The following PDS5B variants were observed in gnomAD, a reference collection of about 807,000 sequenced individuals.
PDS5B encodes sister chromatid cohesion protein PDS5 homolog B.
PDS5B carries 51 observed loss-of-function variants against 184.1 expected under a neutral mutation model. That is an observed-to-expected ratio of 0.28 (90% CI 0.22 to 0.35). PDS5B has a LOEUF of 0.35. Ranked by LOEUF, PDS5B falls within the 10% of genes least tolerant of loss-of-function variation. The probability of loss-of-function intolerance (pLI) is 1.00; values close to 1 mark genes in which losing one functional copy is unlikely to be tolerated. For missense variants in PDS5B, 1,180 were observed against 1,723.3 expected (o/e 0.68, Z 5.58); for synonymous variants, 566 against 569.2 (o/e 0.99, Z 0.08).
chr13:32,750,548 C>T (rs569221771), intron 24 of PDS5B, among the ~76,000 whole-genome samples: 1 of 151,874 alleles, frequency 6.6e-6, no homozygotes, highest in Non-Finnish European at 1.5e-5. Flanking sequence ...CTAATTCCCC[C>T]CTCCTCCCCC....
chr13:32,718,470 A>G (rs1049643758), intron 19 of PDS5B, among the ~76,000 whole-genome samples: 22 of 152,148 alleles, frequency 1.4e-4, no homozygotes, highest in African/African-American at 5.1e-4. Context: ...GTCTGTTTCT[A>G]ATTAAATCTA....
At chr13:32,652,181 T>G in intron 3 of PDS5B, 174 bp downstream of exon 3, 1 of 560,008 alleles carries the variant, frequency 1.8e-6, no homozygotes, top group East Asian at 2.9e-5. Context: ...TTTGAAAAAC[T>G]TTCTGGTCTT....
At chr13:32,683,797 T>G in intron 10 of PDS5B, 81 bp from the exon 11 acceptor site, 1 of 902,116 alleles carries the variant, frequency 1.1e-6, no homozygotes, top group South Asian at 1.6e-5. Context: ...TTGCTAGGGC[T>G]TATTTTCAAG....
chr13:32,611,969 A>G (rs1287319441), intron 1 of PDS5B, among the ~76,000 whole-genome samples: 1 of 151,962 alleles, frequency 6.6e-6, no homozygotes, highest in African/African-American at 2.4e-5. Flanking sequence ...GAAACTATTG[A>G]ATACTCTCAT....
In PDS5B at chr13:32,659,127, T is replaced by C. The variant is rs751241893; in HGVS notation, c.498-27T>C. 6 of 1,503,484 alleles carry C rather than the reference T, an allele frequency of 4.0e-6. No individual in the cohort carries two copies. The South Asian group carries it at 8.6e-5, about 22-fold the overall frequency. 93.1% of individuals were successfully genotyped at this position (1,503,484 alleles called of 1,614,324 possible). A position where few individuals can be genotyped will look rare whatever the true frequency, so the allele number is the denominator to read the frequency against. Reference sequence around the variant, plus strand: ...AAATCCTGTATATCTCAGTTGTAATTGAAACAAAATCTGTTTTGAATTGCA... The same window carrying C: ...AAATCCTGTATATCTCAGTTGTAATCGAAACAAAATCTGTTTTGAATTGCA... On this transcript the variant is annotated intron_variant, in intron 5 of 34. Transcript: ENST00000315596.
intron 19 of PDS5B, among the ~76,000 whole-genome samples, chr13:32,728,455 C>T (rs201505294): frequency 2.0e-5 from 3 of 151,944 alleles, no homozygotes; most frequent in African/African-American, 7.3e-5. Flanking sequence ...AGTTTTTCCT[C>T]CTAACACGAT....
chr13:32,638,104 C>A (rs2058593384), intron 1 of PDS5B, among the ~76,000 whole-genome samples: 1 of 152,120 alleles, frequency 6.6e-6, no homozygotes, highest in African/African-American at 2.4e-5. Context: ...GGACAATGTG[C>A]CTCTGTGCAT....
chr13:32,624,807 G>A (rs1229087577), intron 1 of PDS5B, among the ~76,000 whole-genome samples: 1 of 152,102 alleles, frequency 6.6e-6, no homozygotes, highest in African/African-American at 2.4e-5. Context: ...TAGAGTCCAA[G>A]CTCAATTGGC....
chr13:32,696,987 T>C (rs1951726204), intron 15 of PDS5B, 85 bp downstream of exon 15: 2 of 767,160 alleles, frequency 2.6e-6, no homozygotes, highest in Non-Finnish European at 4.2e-6. Context: ...AGTTTTGTTA[T>C]AGGCTATGAT....
At chr13:32,711,983 A>G (rs1952221513) in intron 19 of PDS5B, among the ~76,000 whole-genome samples, 1 of 152,222 alleles carries the variant, frequency 6.6e-6, no homozygotes, top group African/African-American at 2.4e-5. Flanking sequence ...TCATACAGCT[A>G]GCAAGTGACA....
In PDS5B at chr13:32,667,858, G is replaced by A. The variant is rs778846883; in HGVS notation, c.705+14G>A. The A allele has an allele frequency of 2.1e-6, 3 of 1,447,330 alleles. No individual in the cohort carries two copies. Among genetic ancestry groups the A allele is most frequent in the Non-Finnish European group, 2.8e-6 (3 of 1,060,564 alleles). The allele number at this position is 1,447,330 out of a possible 1,614,324, so 89.7% of individuals were successfully genotyped here. ...TATATTACCAATGTAAGTCTTACTTGTAATTGGTTGTCAGAAGGATTAAAC... is the reference window on the plus strand; with the variant it reads ...TATATTACCAATGTAAGTCTTACTTATAATTGGTTGTCAGAAGGATTAAAC... On this transcript the variant is annotated intron_variant, in intron 7 of 34. Coordinates refer to ENST00000315596, the MANE Select transcript of PDS5B (RefSeq NM_015032.4).
At chr13:32,595,893 T>C (rs2140469750) in intron 1 of PDS5B, among the ~76,000 whole-genome samples, 1 of 152,322 alleles carries the variant, frequency 6.6e-6, no homozygotes, top group African/African-American at 2.4e-5. Flanking sequence ...CTTGAGGCCA[T>C]GGACTTGCAG....
At chr13:32,660,192 C>A (rs1950606936) in intron 6 of PDS5B, among the ~76,000 whole-genome samples, 1 of 152,198 alleles carries the variant, frequency 6.6e-6, no homozygotes, top group Non-Finnish European at 1.5e-5. Context: ...CCAGCCCAGC[C>A]TCACTTCTGC....
In PDS5B at chr13:32,775,774, A is replaced by C. The variant is rs767293503; in HGVS notation, c.*722A>C. 1.0e-5 allele frequency: 4 copies of C among 390,832 alleles called. No homozygotes were observed. The highest frequency in any genetic ancestry group is 2.1e-5 in the African/African-American group (1 of 46,952). The allele number at this position is 390,832 out of a possible 1,614,324, so 24.2% of individuals were successfully genotyped here. On this transcript the variant is annotated 3_prime_UTR_variant, in exon 35 of 35. Coordinates refer to ENST00000315596, the MANE Select transcript of PDS5B (RefSeq NM_015032.4). ...GCCTTTCATGGCAATGAAAATTTTA[A>C]GAAGAAAGATTTAAAGTATTTTAAT...
At chr13:32,629,876 GATA>G (rs1165346517) in intron 1 of PDS5B, among the ~76,000 whole-genome samples, 2 of 152,110 alleles carry the variant, frequency 1.3e-5, no homozygotes, top group Non-Finnish European at 2.9e-5. Flanking sequence ...AAATATGGAT[GATA>G]ATAAAATCAG....
At chr13:32,624,361 G>A (rs1202445462) in intron 1 of PDS5B, among the ~76,000 whole-genome samples, 1 of 151,930 alleles carries the variant, frequency 6.6e-6, no homozygotes, top group Non-Finnish European at 1.5e-5. Context: ...TGCATTTTGG[G>A]TAGTTTCTTC....
chr13:32,652,718 C>T (rs1950402563), intron 3 of PDS5B: 1 of 149,596 alleles, frequency 6.7e-6, no homozygotes, highest in African/African-American at 2.5e-5. Context: ...AAAATGGCAC[C>T]ACTGCATTCC....
intron 1 of PDS5B, among the ~76,000 whole-genome samples, chr13:32,617,484 CAGT>C (rs1156402123): frequency 6.6e-6 from 1 of 152,154 alleles, no homozygotes; most frequent in Non-Finnish European, 1.5e-5. Context: ...TGTTTTTATT[CAGT>C]AGCTATTCTC....
At chr13:32,610,096 G>A (rs2058118692) in intron 1 of PDS5B, among the ~76,000 whole-genome samples, 1 of 152,146 alleles carries the variant, frequency 6.6e-6, no homozygotes, top group Non-Finnish European at 1.5e-5. Flanking sequence ...TGAAGAGATG[G>A]TAGAGTATAT....
Sources: allele counts gnomAD v4.1 joint callset (sites outside exome capture counted in the v4.1 genomes callset), GRCh38; gene constraint gnomAD v4.1.1; transcripts MANE v1.5; gene names NCBI Gene and HGNC (gene_info 2026-07-23, HGNC 2026-07-21).